TBC1D21: variants seen among roughly 807,000 people sequenced by gnomAD.
The protein encoded by TBC1D21 is TBC1 domain family member 21.
A neutral mutation model predicts 46.0 loss-of-function variants in TBC1D21; 38 were observed. The observed-to-expected ratio is 0.83, with a 90% CI of 0.64 to 1.08. The LOEUF (loss-of-function observed/expected upper bound fraction) is 1.08. Ranked by LOEUF, TBC1D21 falls within the 50% of genes least tolerant of loss-of-function variation. The pLI is 0.00. For missense variants in TBC1D21, 415 were observed against 417.9 expected (o/e 0.99, Z 0.06); for synonymous variants, 151 against 157.2 (o/e 0.96, Z 0.29).
chr15:73,875,108 G>A (rs1482506729), intron 1 of TBC1D21, among the ~76,000 whole-genome samples: 2 of 152,068 alleles, frequency 1.3e-5, no homozygotes, highest in African/African-American at 4.8e-5. Context: ...AATTAGCCAG[G>A]CGTGGTAGTG....
chr15:73,899,008 C>A, the TBC1D21 span, among the ~76,000 whole-genome samples: 17 of 151,040 alleles, frequency 1.1e-4, no homozygotes, highest in African/African-American at 3.9e-4. Context: ...TCTTCAAAAT[C>A]TGGCATATAT....
At chr15:73,887,588 C>CTG (rs771349272) in intron 8 of TBC1D21, 32 bp from the exon 9 acceptor site, 18 of 1,595,022 alleles carry the variant, frequency 1.1e-5, no homozygotes, top group Non-Finnish European at 1.5e-5. Flanking sequence ...TCTCAGACCA[C>CTG]AGGGCCCAGA....
the TBC1D21 span, among the ~76,000 whole-genome samples, chr15:73,906,476 G>C: frequency 6.6e-6 from 1 of 152,168 alleles, no homozygotes; most frequent in Non-Finnish European, 1.5e-5. Flanking sequence ...TGGCAGTTTG[G>C]AAAGAAGGAT....
At chr15:73,874,509 T>C (rs190325431) in intron 1 of TBC1D21, among the ~76,000 whole-genome samples, 1 of 152,378 alleles carries the variant, frequency 6.6e-6, no homozygotes, top group East Asian at 1.9e-4. Flanking sequence ...AAGTGAATAA[T>C]GCTGTTGTCT....
At chr15:73,888,059 G>C (rs989857968) in intron 9 of TBC1D21, among the ~76,000 whole-genome samples, 9 of 152,152 alleles carry the variant, frequency 5.9e-5, no homozygotes, top group Non-Finnish European at 1.3e-4. Context: ...TGTGGCCCTA[G>C]GATATTGCTG....
At chr15:73,889,043 G>C (rs1182691142) in intron 10 of TBC1D21, 26 bp from the exon 11 acceptor site, 1 of 1,612,758 alleles carries the variant, frequency 6.2e-7, no homozygotes, top group Non-Finnish European at 8.5e-7. Context: ...CAATGTCTGT[G>C]CACCTCCCAC....
chr15:73,906,685 A>G, the TBC1D21 span, among the ~76,000 whole-genome samples: 1 of 152,276 alleles, frequency 6.6e-6, no homozygotes. Context: ...AGAGGAAGAA[A>G]AGGGCTTTCC....
At chr15:73,892,146 AG>A (rs1489973516), downstream of TBC1D21, among the ~76,000 whole-genome samples, 1 of 152,206 alleles carries the variant, frequency 6.6e-6, no homozygotes, top group East Asian at 1.9e-4. Context: ...AGCCTCAGGC[AG>A]ACTACCGGAT....
intron 8 of TBC1D21, among the ~76,000 whole-genome samples, chr15:73,887,292 A>G (rs1360187241): frequency 6.6e-6 from 1 of 152,172 alleles, no homozygotes; most frequent in African/African-American, 2.4e-5. Flanking sequence ...CTTGCTTGCC[A>G]AAACCCCACT....
intron 8 of TBC1D21, among the ~76,000 whole-genome samples, 156 bp downstream of exon 8, chr15:73,886,768 G>A (rs1031794051): frequency 1.3e-5 from 2 of 152,214 alleles, no homozygotes; most frequent in Non-Finnish European, 2.9e-5. Flanking sequence ...CACCTTGCTG[G>A]AGGAAGCTGG....
chr15:73,881,562 G>A, intron 2 of TBC1D21, 56 bp downstream of exon 2: 2 of 1,598,240 alleles, frequency 1.3e-6, no homozygotes, highest in Non-Finnish European at 1.7e-6. Context: ...TGGATGGGCA[G>A]GGGGCAGGTG....
At chr15:73,883,337 T>C (rs1469803624) in intron 3 of TBC1D21, among the ~76,000 whole-genome samples, 1 of 152,228 alleles carries the variant, frequency 6.6e-6, no homozygotes, top group African/African-American at 2.4e-5. Flanking sequence ...ACAAACTGGG[T>C]GGCTTCCGAC....
At chr15:73,894,061 A>G (rs2068357364), downstream of TBC1D21, among the ~76,000 whole-genome samples, 1 of 152,164 alleles carries the variant, frequency 6.6e-6, no homozygotes, top group South Asian at 2.1e-4. Flanking sequence ...TGCAGTCATT[A>G]CCCTCTCATT....
Position 73,883,547 on chromosome 15 carries a change from A to G in TBC1D21, c.273-604A>G, listed in dbSNP as rs868067200. Among the ~76,000 whole-genome samples, 14 of 152,280 alleles carry G rather than the reference A, an allele frequency of 9.2e-5. 2 individuals are homozygous for G. In the South Asian group the frequency reaches 2.7e-3, roughly 29 times the overall value. Reference sequence around the variant, plus strand: ...TCTGCTTTCTGTGTGTTATAAGAACACATGTCATTGGATTTGGGGTCCACC... The same window carrying G: ...TCTGCTTTCTGTGTGTTATAAGAACGCATGTCATTGGATTTGGGGTCCACC... On this transcript the variant is annotated intron_variant, in intron 3 of 10. Transcript: ENST00000300504.
chr15:73,879,409 G>T (rs2068115147), intron 1 of TBC1D21, among the ~76,000 whole-genome samples: 1 of 152,010 alleles, frequency 6.6e-6, no homozygotes, highest in Non-Finnish European at 1.5e-5. Flanking sequence ...GTAGATATGG[G>T]GTTTTATCAT....
At chr15:73,886,261 G>C (rs36015799) in intron 7 of TBC1D21, 87 bp downstream of exon 7, 145 of 1,215,822 alleles carry the variant, frequency 1.2e-4, no homozygotes, top group East Asian at 2.6e-4. Context: ...CTAATCATGG[G>C]GGGGCTGGAG....
downstream of TBC1D21, among the ~76,000 whole-genome samples, chr15:73,892,798 G>A (rs918036424): frequency 4.6e-5 from 7 of 152,264 alleles, no homozygotes; most frequent in South Asian, 2.1e-4. Context: ...AGGCAAAGGC[G>A]TCACTGTCCA....
At chr15:73,903,667 A>G in the TBC1D21 span, among the ~76,000 whole-genome samples, 4 of 152,196 alleles carry the variant, frequency 2.6e-5, no homozygotes, top group African/African-American at 9.7e-5. Context: ...TGCCAATAAG[A>G]AAAGACCAGG....
intron 4 of TBC1D21, 121 bp downstream of exon 4, chr15:73,884,366 C>T (rs1006704772): frequency 1.1e-6 from 1 of 943,786 alleles, no homozygotes; most frequent in Non-Finnish European, 1.7e-6. Context: ...TTGACTTGTG[C>T]CTGGAGTTTC....
Sources: gnomAD v4.1 joint callset for allele counts (sites outside exome capture counted in the v4.1 genomes callset) on GRCh38, gnomAD v4.1.1 for gene constraint, MANE v1.5 for transcripts, NCBI Gene and HGNC (gene_info 2026-07-23, HGNC 2026-07-21) for gene names.